Variants in KBTBD12 observed in about 807,000 individuals in gnomAD.
KBTBD12 encodes the protein kelch repeat and BTB domain containing 12.
KBTBD12 carries 53 observed loss-of-function variants against 58.7 expected under a neutral mutation model. The observed-to-expected ratio is 0.90, with a 90% CI of 0.72 to 1.14. KBTBD12 has a LOEUF of 1.14. KBTBD12 is among the 50% of genes most tolerant of loss of function. The pLI is 0.00. For synonymous variants in KBTBD12, 236 were observed against 259.8 expected (o/e 0.91, Z 0.88); for missense variants, 704 against 751.3 (o/e 0.94, Z 0.74).
At chr3:127,926,692 A>G (rs1190021625) in intron 2 of KBTBD12, among the ~76,000 whole-genome samples, 5 of 152,204 alleles carry the variant, frequency 3.3e-5, no homozygotes, top group African/African-American at 1.2e-4. Flanking sequence ...GTGAGGTGTT[A>G]AATGCAAAAT....
Position 127,984,218 on chromosome 3 carries a change from G to A in KBTBD12, c.1812G>A (p.Met604Ile). The A allele has an allele frequency of 4.3e-6, 7 of 1,613,992 alleles. No homozygotes were observed. Among genetic ancestry groups the A allele is most frequent in the Non-Finnish European group, 5.9e-6 (7 of 1,179,888 alleles). The change falls in exon 6 of 6, where the codon ATG becomes ATA. Residue 604 changes from methionine (M) to isoleucine (I), a missense_variant. Coordinates refer to ENST00000405109, the MANE Select transcript of KBTBD12 (RefSeq NM_207335.4). Reference sequence around the variant, plus strand: ...ATGATGTCTGCCTAGTAGCCAGGATGAATCCCCGAGACCTCATCCCCCCGC... The same window carrying A: ...ATGATGTCTGCCTAGTAGCCAGGATAAATCCCCGAGACCTCATCCCCCCGC... ...DSYDVCLVAR[M>I]NPRDLIPPPS...
At chr3:127,981,130 C>G (rs999459279) in intron 5 of KBTBD12, among the ~76,000 whole-genome samples, 1 of 152,076 alleles carries the variant, frequency 6.6e-6, no homozygotes, top group Non-Finnish European at 1.5e-5. Context: ...TTTTAATATA[C>G]CTACTGTGCC....
At chr3:127,955,415 A>C (rs1940298865) in intron 4 of KBTBD12, among the ~76,000 whole-genome samples, 1 of 152,250 alleles carries the variant, frequency 6.6e-6, no homozygotes, top group African/African-American at 2.4e-5. Context: ...CAGTAACTGC[A>C]TTTCAAAGAT....
chr3:127,944,477 A>G (rs1003620131), intron 4 of KBTBD12, among the ~76,000 whole-genome samples: 3 of 152,162 alleles, frequency 2.0e-5, no homozygotes, highest in Non-Finnish European at 4.4e-5. Flanking sequence ...TCCTTGTCAG[A>G]TAAGTGGTTG....
intron 4 of KBTBD12, among the ~76,000 whole-genome samples, chr3:127,959,323 T>A (rs376404231): frequency 1.8e-4 from 28 of 152,218 alleles, no homozygotes; most frequent in African/African-American, 6.3e-4. Flanking sequence ...CTCAAACATT[T>A]ATGACCAAAT....
At chr3:127,928,183 T>C (rs1023280655) in intron 3 of KBTBD12, 149 bp downstream of exon 3, 21 of 660,880 alleles carry the variant, frequency 3.2e-5, no homozygotes, top group Non-Finnish European at 5.1e-5. Context: ...CTCAAGGTTT[T>C]AAAGTGTTAA....
chr3:127,924,500 T>C (rs1939517798), intron 2 of KBTBD12, among the ~76,000 whole-genome samples: 1 of 151,794 alleles, frequency 6.6e-6, no homozygotes, highest in African/African-American at 2.4e-5. Flanking sequence ...AATGTGTTTG[T>C]TATGATCCCA....
intron 2 of KBTBD12, among the ~76,000 whole-genome samples, chr3:127,925,393 G>A (rs1403843148): frequency 6.6e-6 from 1 of 152,120 alleles, no homozygotes; most frequent in African/African-American, 2.4e-5. Context: ...GCTCTTGGTT[G>A]GGTGCCCTTC....
At position 127,923,391 on chromosome 3, in the gene KBTBD12, T is replaced by C. The variant is rs746260080; in HGVS notation, c.330T>C (p.Phe110=). Reference sequence around the variant, plus strand: ...AGACTGTAGCTATGGCTGCCTATTTTATGCAGATGGAAGAAGTCTTCAGTG... The same window carrying C: ...AGACTGTAGCTATGGCTGCCTATTTCATGCAGATGGAAGAAGTCTTCAGTG... The part of the protein sequence containing the change: ...NVQTVAMAAY[F]MQMEEVFSVC... Residue 110 remains phenylalanine, a synonymous_variant, in exon 2 of 6, where the codon TTT becomes TTC. Transcript: ENST00000405109. 8.1e-6 allele frequency: 13 copies of C among 1,613,502 alleles called. No individual in the cohort carries two copies. The Admixed American group carries it at 2.2e-4, about 27-fold the overall frequency.
intron 1 of KBTBD12, among the ~76,000 whole-genome samples, chr3:127,919,777 C>G (rs1277792345): frequency 1.3e-5 from 2 of 150,820 alleles, no homozygotes; most frequent in African/African-American, 4.9e-5. Context: ...TCTATTATCT[C>G]TCTCTCTAAT....
chr3:127,953,193 T>C (rs1940246999), intron 4 of KBTBD12, among the ~76,000 whole-genome samples: 1 of 152,206 alleles, frequency 6.6e-6, no homozygotes, highest in Non-Finnish European at 1.5e-5. Flanking sequence ...TTATAGTAAG[T>C]GGCAAAGAGT....
intron 5 of KBTBD12, among the ~76,000 whole-genome samples, chr3:127,971,259 T>C (rs1471729193): frequency 6.6e-6 from 1 of 152,144 alleles, no homozygotes; most frequent in East Asian, 1.9e-4. Context: ...ATTCCTGTGG[T>C]TGGCACGCAG....
chr3:127,950,797 T>G (rs1001142960), intron 4 of KBTBD12, among the ~76,000 whole-genome samples: 16 of 152,236 alleles, frequency 1.1e-4, no homozygotes, highest in Admixed American at 2.0e-4. Context: ...TTTGGAAGGC[T>G]GAGGCAGGTG....
At chr3:127,961,264 G>A (rs182400813) in intron 4 of KBTBD12, among the ~76,000 whole-genome samples, 105 of 152,258 alleles carry the variant, frequency 6.9e-4, no homozygotes, top group Middle Eastern at 3.4e-3. Context: ...GAAAGCTCTC[G>A]CTACCACAGT....
In KBTBD12 at chr3:127,915,367, T is replaced by C. The variant is rs58861923; in HGVS notation, c.-332T>C. 8,692 of 152,608 alleles carry C rather than the reference T, an allele frequency of 0.057. 284 individuals carry two copies. The highest frequency in any genetic ancestry group is 0.097 in the East Asian group (502 of 5,170). 9.5% of individuals were successfully genotyped at this position (152,608 alleles called of 1,614,324 possible). A position where few individuals can be genotyped will look rare whatever the true frequency, so the allele number is the denominator to read the frequency against. ...CAGCGGCGGCGTGGTCTCGGGCCAC[T>C]TCCAAGCAGAGGGCAGCACCTGTCC... On this transcript the variant is annotated 5_prime_UTR_variant, in exon 1 of 6. Coordinates refer to ENST00000405109, the MANE Select transcript of KBTBD12 (RefSeq NM_207335.4).
Position 127,984,645 on chromosome 3 carries a change from A to T in KBTBD12, c.*367A>T, listed in dbSNP as rs1354484805. On this transcript the variant is annotated 3_prime_UTR_variant, in exon 6 of 6. Coordinates refer to ENST00000405109, the MANE Select transcript of KBTBD12 (RefSeq NM_207335.4). Reference sequence around the variant, plus strand: ...GAGGAGGAAGTGGTCCCATGGGTGCAGTCAATGATGAGTTCATGGAAACAG... The same window carrying T: ...GAGGAGGAAGTGGTCCCATGGGTGCTGTCAATGATGAGTTCATGGAAACAG... 2 of 174,564 alleles carry T rather than the reference A, an allele frequency of 1.1e-5. No homozygotes were observed. The highest frequency in any genetic ancestry group is 4.7e-5 in the African/African-American group (2 of 42,148). The allele number at this position is 174,564 out of a possible 1,614,324, so 10.8% of individuals were successfully genotyped here. A position where few individuals can be genotyped will look rare whatever the true frequency, so the allele number is the denominator to read the frequency against.
chr3:127,951,872 T>A (rs1940211727), intron 4 of KBTBD12, among the ~76,000 whole-genome samples: 1 of 152,198 alleles, frequency 6.6e-6, no homozygotes, highest in Admixed American at 6.5e-5. Flanking sequence ...AAAGGCATGA[T>A]CTAGATTTTC....
At chr3:127,939,287 G>T (rs984473402) in intron 4 of KBTBD12, among the ~76,000 whole-genome samples, 39 of 152,082 alleles carry the variant, frequency 2.6e-4, no homozygotes, top group African/African-American at 8.2e-4. Context: ...TTTCTCTCTT[G>T]TCTTGTCACT....
rs1328791598 is a variant in KBTBD12, at chr3:127,963,244, G to A, written c.1548G>A (p.Val516=). Residue 516 remains valine, a synonymous_variant, in exon 5 of 6, where the codon GTG becomes GTA. Coordinates refer to ENST00000405109, the MANE Select transcript of KBTBD12 (RefSeq NM_207335.4). ...GCCAGGTTCGAAAATGCCTTGACGTGGTGGAGATCTACAACCCAGATGGGG... is the reference window on the plus strand; with the variant it reads ...GCCAGGTTCGAAAATGCCTTGACGTAGTGGAGATCTACAACCCAGATGGGG... ...DKGQVRKCLD[V]VEIYNPDGDF... 1.2e-6 allele frequency: 2 copies of A among 1,612,750 alleles called. No individual in the cohort carries two copies. Among genetic ancestry groups the A allele is most frequent in the Non-Finnish European group, 1.7e-6 (2 of 1,179,518 alleles).
Sources: allele counts gnomAD v4.1 joint callset (sites outside exome capture counted in the v4.1 genomes callset), GRCh38; gene constraint gnomAD v4.1.1; transcripts MANE v1.5; gene names NCBI Gene and HGNC (gene_info 2026-07-23, HGNC 2026-07-21).